Variants in CNTNAP5 observed in about 807,000 individuals in gnomAD.
CNTNAP5 encodes the protein contactin-associated protein-like 5.
In CNTNAP5, 72 loss-of-function variants were observed where a neutral mutation model predicts 150.2. The observed-to-expected ratio is 0.48, with a 90% CI of 0.40 to 0.58. The LOEUF (loss-of-function observed/expected upper bound fraction) is 0.58, where lower values mean the gene tolerates loss of function less well. CNTNAP5 is among the 20% of genes least tolerant of loss of function. The pLI is 0.00. For missense variants in CNTNAP5, 1,636 were observed against 1,626.2 expected, an observed-to-expected ratio of 1.01 and a Z score of -0.10; for synonymous variants, 672 against 619.8, an observed-to-expected ratio of 1.08 and a Z score of -1.25.
chr2:124,890,833 TA>T lies in CNTNAP5; in HGVS notation c.3437-12047del, dbSNP rs531503988. Among the ~76,000 whole-genome samples the T allele has an allele frequency of 2.4e-4, 37 of 152,238 alleles. 1 individual carries two copies. In the South Asian group the frequency reaches 7.5e-3, roughly 31 times the overall value. On this transcript the variant is annotated intron_variant, in intron 21 of 23. Coordinates refer to ENST00000682447, the MANE Select transcript of CNTNAP5 (RefSeq NM_001367498.1). ...AGACTAATTAGAACAGCCTTAGTCATAAGCTGGTAAGTGTATAGAGACATAC... is the reference window on the plus strand; with the variant it reads ...AGACTAATTAGAACAGCCTTAGTCATAGCTGGTAAGTGTATAGAGACATAC...
intron 19 of CNTNAP5, among the ~76,000 whole-genome samples, chr2:124,863,200 C>A (rs755823131): frequency 1.3e-5 from 2 of 152,080 alleles, no homozygotes; most frequent in Admixed American, 1.3e-4. Flanking sequence ...ATGTCTGGCA[C>A]GTAATTATCA....
chr2:124,301,448 C>A (rs1038668986), intron 3 of CNTNAP5, among the ~76,000 whole-genome samples: 1 of 152,192 alleles, frequency 6.6e-6, no homozygotes, highest in Non-Finnish European at 1.5e-5. Context: ...ATGTGGTATT[C>A]TTGGCTATCC....
At chr2:124,759,112 T>C (rs1329157680) in intron 14 of CNTNAP5, among the ~76,000 whole-genome samples, 1 of 151,740 alleles carries the variant, frequency 6.6e-6, no homozygotes, top group Non-Finnish European at 1.5e-5. Flanking sequence ...TTGGGAACAT[T>C]TTTGAGAGGA....
chr2:124,467,008 A>T (rs1693393599), intron 6 of CNTNAP5, among the ~76,000 whole-genome samples: 1 of 152,224 alleles, frequency 6.6e-6, no homozygotes, highest in Admixed American at 6.5e-5. Flanking sequence ...ACAGAAAGAA[A>T]GCAGAAGTGG....
In CNTNAP5 at chr2:124,434,637, A is replaced by G. The variant is rs777029986; in HGVS notation, c.683A>G (p.His228Arg). 1.9e-6 allele frequency: 3 copies of G among 1,613,804 alleles called. No homozygotes were observed. The highest frequency in any genetic ancestry group is 1.1e-5 in the South Asian group (1 of 91,072). Residue 228 changes from histidine to arginine, a missense_variant, in exon 5 of 24, where the codon CAC (histidine) becomes CGC (arginine). Physicochemically the swap from His to Arg is conservative, Grantham distance 29. Transcript: ENST00000682447. ...CATGGAGAAGGTCAGCGTGGAGACCACATCACCTTGGAACTCCAGAAGGGG... is the reference window on the plus strand; with the variant it reads ...CATGGAGAAGGTCAGCGTGGAGACCGCATCACCTTGGAACTCCAGAAGGGG... ...LFHGEGQRGD[H>R]ITLELQKGRL...
intron 22 of CNTNAP5, among the ~76,000 whole-genome samples, chr2:124,905,603 A>G (rs1287069612): frequency 6.6e-6 from 1 of 152,152 alleles, no homozygotes; most frequent in African/African-American, 2.4e-5. Context: ...GGTGACAGGC[A>G]TGAGATGATT....
intron 1 of CNTNAP5, among the ~76,000 whole-genome samples, chr2:124,205,469 A>G (rs374895614): frequency 6.8e-6 from 1 of 147,256 alleles, no homozygotes; most frequent in Non-Finnish European, 1.5e-5. Flanking sequence ...CCCAGGCTGG[A>G]CTGCAATGGT....
At chr2:124,340,430 A>G (rs935564585) in intron 3 of CNTNAP5, among the ~76,000 whole-genome samples, 1 of 152,142 alleles carries the variant, frequency 6.6e-6, no homozygotes, top group Non-Finnish European at 1.5e-5. Context: ...TGGGATATGT[A>G]GGCAGTTTTG....
At position 124,510,511 on chromosome 2, in the gene CNTNAP5, A is replaced by G. The variant is rs1446751701; in HGVS notation, c.1327+5955A>G. On this transcript the variant is annotated intron_variant, in intron 8 of 23. Transcript: ENST00000682447. ...TATATATATATATATATATATATATATATATATACATATATCTCCATATAT... is the reference window on the plus strand; with the variant it reads ...TATATATATATATATATATATATATGTATATATACATATATCTCCATATAT... 2.9e-5 allele frequency among the ~76,000 whole-genome samples: 4 copies of G among 135,688 alleles called. No individual in the cohort carries two copies. The Admixed American group carries it at 3.0e-4, about 10-fold the overall frequency. 89.0% of individuals were successfully genotyped at this position (135,688 alleles called of 152,430 possible).
chr2:124,294,596 A>G (rs1688375176), intron 3 of CNTNAP5, among the ~76,000 whole-genome samples: 3 of 152,194 alleles, frequency 2.0e-5, no homozygotes, highest in Admixed American at 2.0e-4. Context: ...TCCAGAACAG[A>G]ATAAGGATGA....
chr2:124,587,581 A>T (rs1318036096), intron 11 of CNTNAP5, among the ~76,000 whole-genome samples: 1 of 152,062 alleles, frequency 6.6e-6, no homozygotes, highest in Non-Finnish European at 1.5e-5. Context: ...TCTGGCTCAG[A>T]TCTTTATTCT....
chr2:124,620,269 T>C (rs1343704271), intron 12 of CNTNAP5, among the ~76,000 whole-genome samples: 2 of 152,112 alleles, frequency 1.3e-5, no homozygotes, highest in African/African-American at 4.8e-5. Context: ...CCTGTTTCCA[T>C]AATCTATCTT....
chr2:124,331,496 A>T (rs911336900), intron 3 of CNTNAP5, among the ~76,000 whole-genome samples: 1 of 152,010 alleles, frequency 6.6e-6, no homozygotes, highest in Non-Finnish European at 1.5e-5. Flanking sequence ...TTGGTTTGTT[A>T]TCTCTGTTTT....
chr2:124,582,313 A>G (rs1696433200), intron 11 of CNTNAP5, among the ~76,000 whole-genome samples: 1 of 152,110 alleles, frequency 6.6e-6, no homozygotes. Context: ...ACCTGGCTTT[A>G]CTCACTCCAG....
chr2:124,214,098 T>C (rs1349675111), intron 1 of CNTNAP5, among the ~76,000 whole-genome samples: 1 of 152,074 alleles, frequency 6.6e-6, no homozygotes, highest in Non-Finnish European at 1.5e-5. Flanking sequence ...TCCTCATCCA[T>C]GGAATAAGGT....
chr2:124,112,414 G>T (rs1022482175), intron 1 of CNTNAP5, among the ~76,000 whole-genome samples: 1 of 152,076 alleles, frequency 6.6e-6, no homozygotes, highest in Admixed American at 6.6e-5. Flanking sequence ...GTCCATGCTT[G>T]CTGAGCCAAC....
chr2:124,171,799 G>T (rs1684939697), intron 1 of CNTNAP5, among the ~76,000 whole-genome samples: 1 of 152,118 alleles, frequency 6.6e-6, no homozygotes, highest in African/African-American at 2.4e-5. Context: ...GCCAAATTTG[G>T]TTATGTTTTA....
At chr2:124,146,705 A>C (rs1353868065) in intron 1 of CNTNAP5, among the ~76,000 whole-genome samples, 1 of 152,202 alleles carries the variant, frequency 6.6e-6, no homozygotes. Context: ...AGTTATGTCA[A>C]ATTATTAATA....
rs558161381 is a variant in CNTNAP5 at position 124,535,408 on chromosome 2, G to C, written c.1649+7952G>C. ...TGGAGCACCACATTACATTTCTTGT[G>C]GCAAACAAGTTATGAAATGTAGCTT... is the stretch of plus-strand genomic sequence containing the variant. On this transcript the variant is annotated intron_variant, in intron 10 of 23. Transcript: ENST00000682447. 3.9e-5 allele frequency among the ~76,000 whole-genome samples: 6 copies of C among 152,168 alleles called. No individual in the cohort carries two copies. In the South Asian group the frequency reaches 1.2e-3, roughly 32 times the overall value.
Sources: gnomAD v4.1 joint callset for allele counts (sites outside exome capture counted in the v4.1 genomes callset) on GRCh38, gnomAD v4.1.1 for gene constraint, MANE v1.5 for transcripts, NCBI Gene and HGNC (gene_info 2026-07-23, HGNC 2026-07-21) for gene names.